LRRC72: variants seen among roughly 807,000 people sequenced by gnomAD.
LRRC72 encodes leucine rich repeat containing 72.
Under a neutral mutation model 35.8 loss-of-function variants are expected in LRRC72, and 41 were observed. The ratio of observed to expected loss-of-function variants is 1.15; its 90% confidence interval spans 0.89 to 1.49. LRRC72 has a LOEUF of 1.49. Among genes scored for constraint, LRRC72 ranks in the 40% most tolerant of loss-of-function variants. LRRC72 has a pLI of 0.00. For missense variants in LRRC72, 389 were observed against 330.7 expected, an observed-to-expected ratio of 1.18 and a Z score of -1.37; for synonymous variants, 118 against 119.2, an observed-to-expected ratio of 0.99 and a Z score of 0.07.
At position 16,527,692 on chromosome 7, in the gene LRRC72, C is replaced by T. The variant is rs540414865; in HGVS notation, c.90+650C>T. On this transcript the variant is annotated intron_variant, in intron 1 of 8. Transcript: ENST00000401542. ...TTTCTGGAGTTCTCTGACTCATCTG[C>T]AAAGATGGGGGGCTGCTGTGATTAA... Among the ~76,000 whole-genome samples, 82 of 152,186 alleles carry T rather than the reference C, an allele frequency of 5.4e-4. 1 individual carries two copies. The South Asian group carries it at 7.7e-3, about 14-fold the overall frequency.
At chr7:16,551,682 G>T (rs566402802) in intron 3 of LRRC72, among the ~76,000 whole-genome samples, 1 of 152,156 alleles carries the variant, frequency 6.6e-6, no homozygotes, top group Non-Finnish European at 1.5e-5. Context: ...TGGTACCCGG[G>T]GGGAGGGCAT....
chr7:16,558,841 A>C, intron 4 of LRRC72, 48 bp from the exon 5 acceptor site: 1 of 1,183,760 alleles, frequency 8.4e-7, no homozygotes, highest in Non-Finnish European at 1.1e-6. Context: ...AAAAAAATAA[A>C]CTGAAAAAAA....
chr7:16,562,193 C>A (rs1043075454), intron 5 of LRRC72, among the ~76,000 whole-genome samples: 1 of 152,156 alleles, frequency 6.6e-6, no homozygotes. Flanking sequence ...GGCCCCACCT[C>A]TTCTCTCTAG....
chr7:16,551,518 C>A (rs920679145), intron 3 of LRRC72, among the ~76,000 whole-genome samples: 9 of 152,152 alleles, frequency 5.9e-5, no homozygotes, highest in African/African-American at 1.4e-4. Context: ...GGAAGCCCTA[C>A]TTCTGGGAGG....
chr7:16,529,455 T>A (rs1301140814), intron 1 of LRRC72, among the ~76,000 whole-genome samples: 2 of 152,178 alleles, frequency 1.3e-5, no homozygotes, highest in Non-Finnish European at 2.9e-5. Flanking sequence ...GGGGTTTTTT[T>A]AATGTTACTA....
chr7:16,569,715 G>GGAAGC (rs1235565716), intron 7 of LRRC72, among the ~76,000 whole-genome samples: 3 of 151,702 alleles, frequency 2.0e-5, no homozygotes, highest in Admixed American at 6.6e-5. Context: ...GGAAGGGAAG[G>GGAAGC]GAAGGGAAGG....
chr7:16,574,018 A>G (rs1782994830), intron 7 of LRRC72, among the ~76,000 whole-genome samples: 1 of 152,228 alleles, frequency 6.6e-6, no homozygotes, highest in South Asian at 2.1e-4. Flanking sequence ...TCAAAAGAAA[A>G]CATTTATGCA....
chr7:16,551,697 G>T (rs1782552282), intron 3 of LRRC72, among the ~76,000 whole-genome samples: 1 of 151,946 alleles, frequency 6.6e-6, no homozygotes, highest in South Asian at 2.1e-4. Context: ...GGGCATGGAA[G>T]CTCTGCATCC....
intron 3 of LRRC72, among the ~76,000 whole-genome samples, chr7:16,554,803 C>T (rs556070826): frequency 9.1e-4 from 139 of 152,316 alleles, no homozygotes; most frequent in Non-Finnish European, 1.7e-3. Flanking sequence ...ATTCTATAAT[C>T]AAGGTCAAAC....
chr7:16,526,990 G>A lies in LRRC72; in HGVS notation c.38G>A (p.Arg13Gln), dbSNP rs1303435343. 1.6e-5 allele frequency: 24 copies of A among 1,539,946 alleles called. No individual in the cohort carries two copies. The highest frequency in any genetic ancestry group is 2.0e-5 in the Non-Finnish European group (23 of 1,146,944). Residue 13 changes from arginine (R) to glutamine (Q), a missense_variant, in exon 1 of 9, where the codon CGA becomes CAA. Transcript: ENST00000401542. ...CCGAACCCCGTGCCCCGTACCTTGCGATGCTGGCGCCTACGGAGGGCATCC... is the reference window on the plus strand; with the variant it reads ...CCGAACCCCGTGCCCCGTACCTTGCAATGCTGGCGCCTACGGAGGGCATCC... Reference protein sequence around the residue: ...WDPNPVPRTLRCWRLRRASET... With the variant: ...WDPNPVPRTLQCWRLRRASET...
At chr7:16,552,067 G>C (rs1295450451) in intron 3 of LRRC72, among the ~76,000 whole-genome samples, 2 of 152,172 alleles carry the variant, frequency 1.3e-5, no homozygotes, top group Non-Finnish European at 2.9e-5. Context: ...GGTATGTGGG[G>C]AAAAGCCCCA....
intron 2 of LRRC72, 183 bp downstream of exon 2, chr7:16,532,751 T>C (rs1782190584): frequency 1.9e-6 from 1 of 519,044 alleles, no homozygotes; most frequent in Non-Finnish European, 3.5e-6. Flanking sequence ...TGAAATTGAT[T>C]AAAAAAAAAA....
intron 1 of LRRC72, 51 bp from the exon 2 acceptor site, chr7:16,532,444 G>A: frequency 7.4e-7 from 1 of 1,359,086 alleles, no homozygotes. Context: ...AAGTGCCTCA[G>A]CACTTTTGTT....
At chr7:16,564,007 G>C (rs1782785447) in intron 5 of LRRC72, among the ~76,000 whole-genome samples, 1 of 152,144 alleles carries the variant, frequency 6.6e-6, no homozygotes, top group Non-Finnish European at 1.5e-5. Context: ...CCATATAGAA[G>C]TTACTTAACC....
At chr7:16,542,893 A>T (rs1782380696) in intron 3 of LRRC72, among the ~76,000 whole-genome samples, 1 of 152,222 alleles carries the variant, frequency 6.6e-6, no homozygotes, top group African/African-American at 2.4e-5. Context: ...CACATTTCTA[A>T]AATCACTATC....
intron 2 of LRRC72, 134 bp downstream of exon 2, chr7:16,532,702 TC>T: frequency 1.3e-6 from 1 of 746,400 alleles, no homozygotes; most frequent in Non-Finnish European, 2.4e-6. Flanking sequence ...TTTTACCACT[TC>T]CTGGAATCCA....
intron 7 of LRRC72, among the ~76,000 whole-genome samples, chr7:16,579,847 A>G (rs1783109632): frequency 6.6e-6 from 1 of 152,168 alleles, no homozygotes; most frequent in Admixed American, 6.5e-5. Context: ...TATTGTATTA[A>G]AAAAATTTGC....
intron 5 of LRRC72, among the ~76,000 whole-genome samples, chr7:16,559,312 T>C (rs13246140): frequency 0.23 from 35,623 of 151,784 alleles, 5,037 homozygotes; most frequent in African/African-American, 0.37. Context: ...GAGGATCACT[T>C]GAACCCAGGA....
intron 2 of LRRC72, chr7:16,532,828 C>A: frequency 2.0e-6 from 1 of 505,734 alleles, no homozygotes; most frequent in Non-Finnish European, 3.6e-6. Flanking sequence ...TTGGGTATGT[C>A]ATATAACCTC....
Sources: gnomAD v4.1 joint callset for allele counts (sites outside exome capture counted in the v4.1 genomes callset) on GRCh38, gnomAD v4.1.1 for gene constraint, MANE v1.5 for transcripts, NCBI Gene and HGNC (gene_info 2026-07-23, HGNC 2026-07-21) for gene names.